Variants in ZNF671 observed in about 807,000 individuals in gnomAD.
ZNF671 encodes the protein zinc finger protein 671.
In ZNF671, 19 loss-of-function variants were observed where a neutral mutation model predicts 16.6. That is an observed-to-expected ratio of 1.14 (90% confidence interval 0.80 to 1.68). The LOEUF (loss-of-function observed/expected upper bound fraction) is 1.68. Ranked by LOEUF, ZNF671 falls within the 40% of genes most tolerant of loss-of-function variation. The pLI, the probability that ZNF671 is intolerant of heterozygous loss-of-function variation, is 0.00. For synonymous variants in ZNF671, 238 were observed against 236.3 expected (o/e 1.01, Z -0.06); for missense variants, 637 against 659.8 (o/e 0.97, Z 0.38).
rs773978612 is a variant in ZNF671 at position 57,721,053 on chromosome 19, C to G, written c.1033G>C (p.Glu345Gln). The change falls in exon 4 of 4, where the codon GAA becomes CAA. Residue 345 changes from glutamate (E) to glutamine (Q), a missense_variant. Transcript: ENST00000317398. ...ATTTGTCTAAAGAATTTCCCACATTCGCTGCACTCGTATGGCCTTTCTCCA... is the reference window on the plus strand; with the variant it reads ...ATTTGTCTAAAGAATTTCCCACATTGGCTGCACTCGTATGGCCTTTCTCCA... ...HTGERPYECS[E>Q]CGKFFRQISG... The G allele has an allele frequency of 5.0e-6, 8 of 1,614,032 alleles. No individual in the cohort carries two copies. The Middle Eastern group carries it at 4.9e-4, about 99-fold the overall frequency.
In ZNF671 at chr19:57,721,321, G is replaced by C. The variant is rs777112635; in HGVS notation, c.765C>G (p.Gly255=). Residue 255 remains glycine, a synonymous_variant, in exon 4 of 4, where the codon GGC becomes GGG. Coordinates refer to ENST00000317398, the MANE Select transcript of ZNF671 (RefSeq NM_024833.3). ...TGAGAGAGGCCTGATGCTGAAGAAGGCCAGATGTGGCTGAAAAGTCTCTCC... is the reference window on the plus strand; with the variant it reads ...TGAGAGAGGCCTGATGCTGAAGAAGCCCAGATGTGGCTGAAAAGTCTCTCC... ...KGRRDFSATS[G]LLQHQASLSS... The C allele has an allele frequency of 6.2e-7, 1 of 1,604,376 alleles. No individual in the cohort carries two copies. The highest frequency in any genetic ancestry group is 8.5e-7 in the Non-Finnish European group (1 of 1,173,704).
At position 57,727,410 on chromosome 19, in the gene ZNF671, T is replaced by TC. The variant is rs1475325639; in HGVS notation, c.118dup (p.Glu40GlyfsTer13). The TC allele has an allele frequency of 9.3e-6, 15 of 1,605,848 alleles. No homozygotes were observed. Among genetic ancestry groups the TC allele is most frequent in the Non-Finnish European group, 1.2e-5 (14 of 1,174,404 alleles). ...ACCCACCCGCGCGGAGTCCGTTAGCTCCGCCATAGGACCGTGGGCGCGGAC... is the reference window on the plus strand; with the variant it reads ...ACCCACCCGCGCGGAGTCCGTTAGCTCCCGCCATAGGACCGTGGGCGCGGAC... On this transcript the variant is annotated frameshift_variant, in exon 1 of 4. Transcript: ENST00000317398. LOFTEE classifies it high-confidence loss of function.
intron 3 of ZNF671, 181 bp downstream of exon 3, chr19:57,722,135 A>T: frequency 1.0e-6 from 1 of 974,770 alleles, no homozygotes. Context: ...TGAAGGCCAG[A>T]GGTGAGGGTG....
In ZNF671 at chr19:57,720,663, C is replaced by T. The variant is rs776921926; in HGVS notation, c.1423G>A (p.Gly475Arg). The change falls in exon 4 of 4, where the codon GGA (glycine) becomes AGA (arginine). Residue 475 changes from glycine (G) to arginine (R), a missense_variant. Transcript: ENST00000317398. ...TTGCTGCACTCATAAGGCTTTTCTC[C>T]AGAGTGAACTTTCTGGTGCTGAATG... ...KLIQHQKVHS[G>R]EKPYECSKCG... 6.8e-6 allele frequency: 11 copies of T among 1,614,188 alleles called. No individual in the cohort carries two copies. The highest frequency in any genetic ancestry group is 9.3e-6 in the Non-Finnish European group (11 of 1,180,050).
In ZNF671 at chr19:57,721,080, T is replaced by G; in HGVS notation, c.1006A>C (p.Thr336Pro). The change falls in exon 4 of 4, where the codon ACT (threonine) becomes CCT (proline). Residue 336 changes from threonine (T) to proline (P), a missense_variant. By Grantham distance (38) the Thr-to-Pro change is conservative. Coordinates refer to ENST00000317398, the MANE Select transcript of ZNF671 (RefSeq NM_024833.3). Reference sequence around the variant, plus strand: ...CTGCACTCGTATGGCCTTTCTCCAGTGTGAACTGTCTGGTGTTTAAAGAGG... The same window carrying G: ...CTGCACTCGTATGGCCTTTCTCCAGGGTGAACTGTCTGGTGTTTAAAGAGG... Reference protein sequence around the residue: ...YDLFKHQTVHTGERPYECSEC... With the variant: ...YDLFKHQTVHPGERPYECSEC... 5.0e-6 allele frequency: 8 copies of G among 1,614,208 alleles called. No individual in the cohort carries two copies. The highest frequency in any genetic ancestry group is 6.8e-6 in the Non-Finnish European group (8 of 1,180,028).
chr19:57,726,304 T>A (rs926122655), intron 1 of ZNF671, among the ~76,000 whole-genome samples: 3 of 151,120 alleles, frequency 2.0e-5, no homozygotes, highest in African/African-American at 7.3e-5. Flanking sequence ...GAGTGAGACT[T>A]CGTCTCAAAA....
chr19:57,727,321 G>A (rs1600055448), intron 1 of ZNF671, 70 bp downstream of exon 1: 1 of 1,519,114 alleles, frequency 6.6e-7, no homozygotes, highest in South Asian at 1.2e-5. Flanking sequence ...TGGGACACAG[G>A]GGCTGCAGGC....
intron 3 of ZNF671, 142 bp downstream of exon 3, chr19:57,722,174 T>C (rs906132500): frequency 3.0e-6 from 4 of 1,345,216 alleles, no homozygotes; most frequent in Admixed American, 2.3e-5. Flanking sequence ...AGAAATGATA[T>C]ATCTTCGTGT....
At chr19:57,725,229 C>T (rs1356436931) in intron 1 of ZNF671, among the ~76,000 whole-genome samples, 1 of 151,492 alleles carries the variant, frequency 6.6e-6, no homozygotes, top group Admixed American at 6.6e-5. Flanking sequence ...TTTGGGAGGC[C>T]GAGGCGGGTG....
At chr19:57,722,243 C>T in intron 3 of ZNF671, 73 bp downstream of exon 3, 1 of 1,584,430 alleles carries the variant, frequency 6.3e-7, no homozygotes, top group Non-Finnish European at 8.6e-7. Flanking sequence ...GAAACAAACA[C>T]TGATGTGAAC....
intron 3 of ZNF671, chr19:57,721,912 T>C: frequency 1.5e-6 from 1 of 660,584 alleles, no homozygotes; most frequent in Non-Finnish European, 2.5e-6. Flanking sequence ...GATATAAGAA[T>C]GGAACCAAAC....
Position 57,723,208 on chromosome 19 carries a change from C to T in ZNF671, c.265+6G>A, listed in dbSNP as rs1985934302. 1.2e-6 allele frequency: 2 copies of T among 1,607,972 alleles called. No homozygotes were observed. The highest frequency in any genetic ancestry group is 1.7e-6 in the Non-Finnish European group (2 of 1,176,466). ...TGGTAAAGGCAGAAAAGCATGAGGACCTTACCCAGTGAGGCTAAAAGTGCA... is the reference window on the plus strand; with the variant it reads ...TGGTAAAGGCAGAAAAGCATGAGGATCTTACCCAGTGAGGCTAAAAGTGCA... On this transcript the variant is annotated splice_donor_region_variant and intron_variant, in intron 2 of 3. Transcript: ENST00000317398.
In ZNF671 at chr19:57,727,593, G is replaced by A; in HGVS notation, c.-65C>T. Reference sequence around the variant, plus strand: ...ACAAGCGTTACAGAACCCCGGCCAGGGACAGCCTGACAGAAACAAAATGTC... The same window carrying A: ...ACAAGCGTTACAGAACCCCGGCCAGAGACAGCCTGACAGAAACAAAATGTC... On this transcript the variant is annotated 5_prime_UTR_variant, in exon 1 of 4. Transcript: ENST00000317398. 1.3e-6 allele frequency: 2 copies of A among 1,547,764 alleles called. No individual in the cohort carries two copies. Among genetic ancestry groups the A allele is most frequent in the African/African-American group, 1.4e-5 (1 of 73,308 alleles).
In ZNF671 at chr19:57,721,218, A is replaced by G; in HGVS notation, c.868T>C (p.Cys290Arg). 3 of 1,606,746 alleles carry G rather than the reference A, an allele frequency of 1.9e-6. No individual in the cohort carries two copies. The highest frequency in any genetic ancestry group is 2.2e-5 in the South Asian group (2 of 89,878). The change falls in exon 4 of 4, where the codon TGT becomes CGT. Residue 290 changes from cysteine to arginine, a missense_variant. Coordinates refer to ENST00000317398, the MANE Select transcript of ZNF671 (RefSeq NM_024833.3). ...MGQRYHRCGE[C>R]GKAFTRKDTL... ...TCTTTGCGGGTGAAGGCTTTCCCAC[A>G]TTCACCACACCTGTGATACCTCTGT... is the stretch of plus-strand genomic sequence containing the variant.
intron 1 of ZNF671, among the ~76,000 whole-genome samples, chr19:57,726,678 C>T (rs1986059587): frequency 6.6e-6 from 1 of 152,176 alleles, no homozygotes; most frequent in African/African-American, 2.4e-5. Context: ...AAGCCCAGCC[C>T]CTTCCCCACA....
chr19:57,722,070 A>T (rs577199557), intron 3 of ZNF671: 1 of 577,804 alleles, frequency 1.7e-6, no homozygotes, highest in South Asian at 2.2e-5. Context: ...CATTAATTGC[A>T]GGTCAATACT....
At chr19:57,726,900 C>G (rs984454769) in intron 1 of ZNF671, 1 of 154,664 alleles carries the variant, frequency 6.5e-6, no homozygotes. Flanking sequence ...TCACTTCTAC[C>G]CACTCACCTG....
At chr19:57,726,192 G>A (rs1319998557) in intron 1 of ZNF671, among the ~76,000 whole-genome samples, 1 of 149,368 alleles carries the variant, frequency 6.7e-6, no homozygotes, top group African/African-American at 2.5e-5. Context: ...GGTGGTTGTG[G>A]GCACCTGTAA....
chr19:57,720,399 A>C lies in ZNF671; in HGVS notation c.*82T>G. 1 of 1,526,438 alleles carries C rather than the reference A, an allele frequency of 6.6e-7. No homozygotes were observed. The highest frequency in any genetic ancestry group is 8.8e-7 in the Non-Finnish European group (1 of 1,134,292). 94.6% of individuals were successfully genotyped at this position (1,526,438 alleles called of 1,614,324 possible). A position where few individuals can be genotyped will look rare whatever the true frequency, so the allele number is the denominator to read the frequency against. ...GGGAAGGCTTTCCTGCATCTGCTGC[A>C]CTCATTAACTACTGCTAGTTCCCCA... On this transcript the variant is annotated 3_prime_UTR_variant, in exon 4 of 4. Transcript: ENST00000317398.
Sources: allele counts gnomAD v4.1 joint callset (sites outside exome capture counted in the v4.1 genomes callset), GRCh38; gene constraint gnomAD v4.1.1; transcripts MANE v1.5; gene names NCBI Gene and HGNC (gene_info 2026-07-23, HGNC 2026-07-21).